The following CCDC57 variants were observed in gnomAD, a reference collection of about 807,000 sequenced individuals.
CCDC57 encodes coiled-coil domain containing 57, also known as coiled-coil domain-containing protein 57.
In CCDC57, 118 loss-of-function variants were observed where a neutral mutation model predicts 118.9. The ratio of observed to expected loss-of-function variants is 0.99; its 90% CI spans 0.86 to 1.16. The LOEUF (loss-of-function observed/expected upper bound fraction) is 1.16, where lower values mean the gene tolerates loss of function less well. Ranked by LOEUF, CCDC57 falls within the 50% of genes most tolerant of loss-of-function variation. The pLI is 0.00. For missense variants in CCDC57, 1,300 were observed against 1,320.7 expected (o/e 0.98, Z 0.24); for synonymous variants, 527 against 532.9 (o/e 0.99, Z 0.15).
At chr17:82,199,372 G>C (rs2048706563) in intron 3 of CCDC57, among the ~76,000 whole-genome samples, 1 of 150,844 alleles carries the variant, frequency 6.6e-6, no homozygotes, top group Admixed American at 6.7e-5. Context: ...CAGCTCCTCG[G>C]GAGGCTGAGG....
chr17:82,202,336 C>T (rs1163838543), intron 2 of CCDC57, among the ~76,000 whole-genome samples: 1 of 151,564 alleles, frequency 6.6e-6, no homozygotes, highest in African/African-American at 2.4e-5. Context: ...GCTGTGGTGG[C>T]ACGTGCCTGT....
intron 11 of CCDC57, among the ~76,000 whole-genome samples, chr17:82,175,366 C>T (rs996726264): frequency 1.3e-5 from 2 of 152,202 alleles, no homozygotes; most frequent in East Asian, 3.8e-4. Flanking sequence ...GCAAGCAAGG[C>T]TCAGAGGGCT....
chr17:82,149,648 C>T (rs2041575689), intron 16 of CCDC57, among the ~76,000 whole-genome samples: 1 of 152,072 alleles, frequency 6.6e-6, no homozygotes, highest in Non-Finnish European at 1.5e-5. Context: ...AGGCCCCGCT[C>T]ACAAGAGGGG....
At chr17:82,134,600 C>A (rs1052582420) in intron 16 of CCDC57, among the ~76,000 whole-genome samples, 3 of 152,106 alleles carry the variant, frequency 2.0e-5, no homozygotes, top group African/African-American at 4.8e-5. Flanking sequence ...TCGAGATCAG[C>A]CTGGCCAACA....
chr17:82,185,824 TG>T (rs745735162), intron 8 of CCDC57, among the ~76,000 whole-genome samples: 2 of 152,102 alleles, frequency 1.3e-5, no homozygotes, highest in Non-Finnish European at 2.9e-5. Flanking sequence ...GAGACCATCC[TG>T]GGCAACATGG....
At position 82,184,016 on chromosome 17, in the gene CCDC57, T is replaced by TGCGCGCGCGCGC. The variant is rs141760654; in HGVS notation, c.1053-96_1053-85dup. ...CACAGCACCCCCCAGCAAATACACA[T>TGCGCGCGCGCGC]GCGCGCGCGCGCGCGCACACACACA... is the stretch of plus-strand genomic sequence containing the variant. On this transcript the variant is annotated intron_variant, in intron 8 of 19. Transcript: ENST00000665763. The TGCGCGCGCGCGC allele has an allele frequency of 8.3e-4, 253 of 305,864 alleles. 6 individuals are homozygous for TGCGCGCGCGCGC. The highest frequency in any genetic ancestry group is 1.1e-3 in the Non-Finnish European group (185 of 165,250). 18.9% of individuals were successfully genotyped at this position (305,864 alleles called of 1,614,324 possible). A position where few individuals can be genotyped will look rare whatever the true frequency, so the allele number is the denominator to read the frequency against.
chr17:82,149,778 C>T (rs1287253392), intron 16 of CCDC57, among the ~76,000 whole-genome samples: 7 of 150,870 alleles, frequency 4.6e-5, no homozygotes, highest in East Asian at 3.9e-4. Flanking sequence ...GAACCTGGCC[C>T]GCACCCAGAA....
In CCDC57 at chr17:82,172,573, G is replaced by A. The variant is rs556810545; in HGVS notation, c.1729+65C>T. On this transcript the variant is annotated intron_variant, in intron 12 of 19. Coordinates refer to ENST00000665763, the Ensembl canonical transcript of CCDC57. The surrounding 1 kb of genome is among the most constrained non-coding windows in gnomAD (Gnocchi z 5.2). ...GAAGCCAGTCAAGACCCATGCTCCC[G>A]TCTGTCCTCCTCCCTCCCTCTCCCC... 2.7e-5 allele frequency: 37 copies of A among 1,387,686 alleles called. No homozygotes were observed. Among genetic ancestry groups the A allele is most frequent in the Admixed American group, 7.9e-5 (4 of 50,784 alleles). 86.0% of individuals were successfully genotyped at this position (1,387,686 alleles called of 1,614,324 possible).
chr17:82,196,742 C>T (rs2048339186), intron 4 of CCDC57, among the ~76,000 whole-genome samples: 1 of 152,080 alleles, frequency 6.6e-6, no homozygotes, highest in African/African-American at 2.4e-5. Context: ...CCTGCACCTG[C>T]AGAGACGCAG....
At chr17:82,191,987 CTTT>C (rs35746149) in intron 7 of CCDC57, among the ~76,000 whole-genome samples, 7 of 137,778 alleles carry the variant, frequency 5.1e-5, no homozygotes, top group Admixed American at 1.5e-4. Context: ...TTTTTTATGA[CTTT>C]TTTTTTTTTT....
chr17:82,109,594 ACAC>A (rs1352495270), intron 19 of CCDC57, among the ~76,000 whole-genome samples: 1 of 152,232 alleles, frequency 6.6e-6, no homozygotes, highest in African/African-American at 2.4e-5. Context: ...GCGGTGGCTC[ACAC>A]CTGTGATCCC....
chr17:82,150,452 G>A (rs72490486), intron 16 of CCDC57, among the ~76,000 whole-genome samples: 15,359 of 77,442 alleles, frequency 0.2, 298 homozygotes, highest in East Asian at 0.47. Flanking sequence ...CACACACCCA[G>A]AACCAGGCGC....
chr17:82,208,728 G>A (rs965133685), intron 1 of CCDC57, among the ~76,000 whole-genome samples: 1 of 152,050 alleles, frequency 6.6e-6, no homozygotes, highest in Non-Finnish European at 1.5e-5. Context: ...TAGAGATGGG[G>A]TTCCACTATA....
intron 13 of CCDC57, among the ~76,000 whole-genome samples, chr17:82,165,495 A>T (rs2043872253): frequency 2.0e-5 from 3 of 151,968 alleles, no homozygotes; most frequent in Admixed American, 2.0e-4. Flanking sequence ...ACCAAAAAAA[A>T]AAAAGGCCGA....
At chr17:82,188,848 G>T (rs1259192368) in intron 7 of CCDC57, among the ~76,000 whole-genome samples, 1 of 152,264 alleles carries the variant, frequency 6.6e-6, no homozygotes, top group East Asian at 1.9e-4. Context: ...TCCAATTAGA[G>T]GCAAAGTCTT....
Position 82,127,358 on chromosome 17 carries a change from T to C in CCDC57, c.2899+334A>G, listed in dbSNP as rs887562319. Reference sequence around the variant, plus strand: ...CACGCGTCTCACCTGGGCTCCATTCTAAGTCAGCCTGCGCCCGGGTGTACA... The same window carrying C: ...CACGCGTCTCACCTGGGCTCCATTCCAAGTCAGCCTGCGCCCGGGTGTACA... On this transcript the variant is annotated intron_variant, in intron 19 of 19. Coordinates refer to ENST00000665763, the Ensembl canonical transcript of CCDC57. 3 of 180,982 alleles carry C rather than the reference T, an allele frequency of 1.7e-5. No homozygotes were observed. The African/African-American group carries it at 2.8e-4, about 17-fold the overall frequency. 11.2% of individuals were successfully genotyped at this position (180,982 alleles called of 1,614,324 possible).
intron 13 of CCDC57, among the ~76,000 whole-genome samples, chr17:82,163,935 G>A (rs2043656329): frequency 6.6e-6 from 1 of 152,220 alleles, no homozygotes; most frequent in African/African-American, 2.4e-5. Context: ...ATCACGTTGG[G>A]AGGCTGAGGC....
rs574390747 is a variant in CCDC57 at position 82,188,233 on chromosome 17, G to A, written c.1038C>T (p.Asp346=). Reference sequence around the variant, plus strand: ...CACACGCTCACTGGTCAATGGCAGCGTCCTTCTCCTTGGCGGTGTCAGCCT... The same window carrying A: ...CACACGCTCACTGGTCAATGGCAGCATCCTTCTCCTTGGCGGTGTCAGCCT... Residue 346 remains aspartate (D), a synonymous_variant, in exon 8 of 20, where the codon GAC becomes GAT. Transcript: ENST00000665763. 5.1e-5 allele frequency: 80 copies of A among 1,553,770 alleles called. 7 individuals are homozygous for A. In the Admixed American group the frequency reaches 7.5e-4, roughly 15 times the overall value.
chr17:82,188,489 G>A, intron 7 of CCDC57, 70 bp from the exon 7 acceptor site: 1 of 1,468,964 alleles, frequency 6.8e-7, no homozygotes, highest in Non-Finnish European at 9.2e-7. Context: ...CCTCTTTGGA[G>A]GCGTTCATTG....
Sources: gnomAD v4.1 joint callset for allele counts (sites outside exome capture counted in the v4.1 genomes callset) on GRCh38, gnomAD v4.1.1 for gene constraint, Gnocchi (gnomAD v3.1) non-coding constraint, MANE v1.5 for transcripts, NCBI Gene and HGNC (gene_info 2026-07-23, HGNC 2026-07-21) for gene names.